The following NCKAP5 variants were observed in gnomAD, a reference collection of about 807,000 sequenced individuals.
NCKAP5 encodes NCK associated protein 5.
In NCKAP5, 92 loss-of-function variants were observed where a neutral mutation model predicts 167.0. The observed-to-expected ratio is 0.55, with a 90% CI of 0.47 to 0.66. The LOEUF (loss-of-function observed/expected upper bound fraction) is 0.66. Among genes scored for constraint, NCKAP5 ranks in the 30% least tolerant of loss-of-function variants. The pLI, the probability that NCKAP5 is intolerant of heterozygous loss-of-function variation, is 0.00. For missense variants in NCKAP5, 2,378 were observed against 2,315.0 expected (o/e 1.03, Z -0.56); for synonymous variants, 891 against 877.4 (o/e 1.02, Z -0.27).
At position 133,268,595 on chromosome 2, in the gene NCKAP5, G is replaced by C. The variant is rs2089356443; in HGVS notation, c.143+34442C>G. 2.7e-5 allele frequency among the ~76,000 whole-genome samples: 4 copies of C among 147,268 alleles called. No individual in the cohort carries two copies. The South Asian group carries it at 6.4e-4, about 24-fold the overall frequency. On this transcript the variant is annotated intron_variant, in intron 4 of 19. Coordinates refer to ENST00000409261, the MANE Select transcript of NCKAP5 (RefSeq NM_207363.3). ...CCTCCCGGGTTCACGCCATTCTCCTGCCTCAGCCTCCTGAGTAGCTGGGAC... is the reference window on the plus strand; with the variant it reads ...CCTCCCGGGTTCACGCCATTCTCCTCCCTCAGCCTCCTGAGTAGCTGGGAC...
chr2:133,575,322 C>A, the NCKAP5 span, among the ~76,000 whole-genome samples: 1 of 152,198 alleles, frequency 6.6e-6, no homozygotes, highest in African/African-American at 2.4e-5. Flanking sequence ...AACCATTGTT[C>A]AATCTACAAA....
intron 3 of NCKAP5, among the ~76,000 whole-genome samples, chr2:133,432,201 A>G (rs956979160): frequency 1.3e-5 from 2 of 152,202 alleles, no homozygotes; most frequent in Non-Finnish European, 2.9e-5. Context: ...ATACTACCAA[A>G]TTATCTGTAT....
intron 6 of NCKAP5, among the ~76,000 whole-genome samples, chr2:133,034,026 T>C (rs2078965500): frequency 6.6e-6 from 1 of 151,930 alleles, no homozygotes; most frequent in African/African-American, 2.4e-5. Context: ...GGTTATAGAA[T>C]ACCAAGCAGA....
intron 7 of NCKAP5, among the ~76,000 whole-genome samples, chr2:132,986,163 C>T (rs1176993891): frequency 6.6e-6 from 1 of 152,158 alleles, no homozygotes; most frequent in East Asian, 1.9e-4. Flanking sequence ...CGCTGATTAA[C>T]TTCCAGGGTA....
intron 8 of NCKAP5, among the ~76,000 whole-genome samples, chr2:132,886,291 A>G (rs759599804): frequency 2.0e-5 from 3 of 152,264 alleles, no homozygotes; most frequent in Admixed American, 6.5e-5. Context: ...AATACTATCT[A>G]TACCTGGAGA....
At chr2:133,581,147 A>C in the NCKAP5 span, among the ~76,000 whole-genome samples, 1 of 152,234 alleles carries the variant, frequency 6.6e-6, no homozygotes, top group Non-Finnish European at 1.5e-5. Context: ...AAATCTGTAT[A>C]GAATGACGAC....
intron 3 of NCKAP5, among the ~76,000 whole-genome samples, chr2:133,388,534 T>C (rs889298169): frequency 2.6e-5 from 4 of 152,190 alleles, no homozygotes; most frequent in African/African-American, 7.2e-5. Flanking sequence ...TCAACCTCCA[T>C]GCTGGGAGAA....
chr2:132,687,327 A>C (rs1324183283), intron 19 of NCKAP5, among the ~76,000 whole-genome samples: 6 of 152,144 alleles, frequency 3.9e-5, no homozygotes, highest in African/African-American at 1.4e-4. Context: ...CCAATGTAAC[A>C]GGTAGCAATT....
At chr2:132,888,671 G>A (rs761236780) in intron 8 of NCKAP5, among the ~76,000 whole-genome samples, 28 of 152,120 alleles carry the variant, frequency 1.8e-4, no homozygotes, top group Non-Finnish European at 3.4e-4. Context: ...GATTACAGGC[G>A]TGAGCCACTG....
chr2:133,033,140 C>A (rs1559070886), intron 6 of NCKAP5, among the ~76,000 whole-genome samples: 3 of 152,208 alleles, frequency 2.0e-5, no homozygotes, highest in Admixed American at 6.5e-5. Context: ...CCACTCCCAG[C>A]TTTAGGTGGC....
chr2:132,786,514 T>G (rs1002847949), intron 13 of NCKAP5, among the ~76,000 whole-genome samples: 2 of 152,160 alleles, frequency 1.3e-5, no homozygotes, highest in African/African-American at 2.4e-5. Context: ...CCTACCAAAT[T>G]TAGAAAGGTC....
intron 6 of NCKAP5, among the ~76,000 whole-genome samples, chr2:133,089,370 C>CACTAATTT (rs2081097694): frequency 6.6e-6 from 1 of 152,074 alleles, no homozygotes; most frequent in Non-Finnish European, 1.5e-5. Flanking sequence ...CATGTGTCTC[C>CACTAATTT]ACTAATTTAA....
chr2:133,354,818 A>C (rs1169694427), intron 3 of NCKAP5, among the ~76,000 whole-genome samples: 3 of 152,192 alleles, frequency 2.0e-5, no homozygotes, highest in African/African-American at 7.2e-5. Context: ...AGAGCGCCAA[A>C]TGCACATAAG....
chr2:133,364,829 A>G (rs913766730), intron 3 of NCKAP5, among the ~76,000 whole-genome samples: 2 of 151,526 alleles, frequency 1.3e-5, no homozygotes, highest in Non-Finnish European at 2.9e-5. Flanking sequence ...ATCTTGGCTC[A>G]CTGCTGCCTC....
chr2:133,498,167 G>A (rs1392745791), intron 3 of NCKAP5, among the ~76,000 whole-genome samples: 1 of 152,142 alleles, frequency 6.6e-6, no homozygotes, highest in East Asian at 1.9e-4. Flanking sequence ...TTTTGTAAAA[G>A]CTTAGCCTTT....
At chr2:132,699,153 G>A (rs1034718645) in intron 19 of NCKAP5, among the ~76,000 whole-genome samples, 1 of 152,122 alleles carries the variant, frequency 6.6e-6, no homozygotes, top group African/African-American at 2.4e-5. Flanking sequence ...TCACTCAGCC[G>A]AGTGGTGGGG....
At chr2:133,197,958 A>G (rs1417350251) in intron 5 of NCKAP5, among the ~76,000 whole-genome samples, 1 of 152,192 alleles carries the variant, frequency 6.6e-6, no homozygotes, top group Non-Finnish European at 1.5e-5. Flanking sequence ...CAGAAAAAAA[A>G]AGAGTAAACT....
chr2:133,365,524 TACACAC>T (rs3083042), intron 3 of NCKAP5, among the ~76,000 whole-genome samples: 4 of 149,212 alleles, frequency 2.7e-5, no homozygotes, highest in Admixed American at 2.7e-4. Flanking sequence ...ATACTTAGCC[TACACAC>T]ACACACACAC....
At chr2:133,370,304 CTG>C (rs1431265546) in intron 3 of NCKAP5, among the ~76,000 whole-genome samples, 1 of 152,184 alleles carries the variant, frequency 6.6e-6, no homozygotes, top group African/African-American at 2.4e-5. Flanking sequence ...CAGCTTTACT[CTG>C]TGTACTTTTT....
Sources: allele counts gnomAD v4.1 joint callset (sites outside exome capture counted in the v4.1 genomes callset), GRCh38; gene constraint gnomAD v4.1.1; transcripts MANE v1.5; gene names NCBI Gene and HGNC (gene_info 2026-07-23, HGNC 2026-07-21).